The following MED13 variants were observed in gnomAD, a reference collection of about 807,000 sequenced individuals.
The protein encoded by MED13 is mediator complex subunit 13, also known as mediator of RNA polymerase II transcription subunit 13.
Under a neutral mutation model 225.2 loss-of-function variants are expected in MED13, and 23 were observed. The ratio of observed to expected loss-of-function variants is 0.10; its 90% CI spans 0.07 to 0.14. The LOEUF (loss-of-function observed/expected upper bound fraction) is 0.14, where lower values mean the gene tolerates loss of function less well. Among genes scored for constraint, MED13 ranks in the 10% least tolerant of loss-of-function variants. The pLI is 1.00. For missense variants in MED13, 2,197 were observed against 2,594.5 expected (o/e 0.85, Z 3.33); for synonymous variants, 942 against 889.2 (o/e 1.06, Z -1.06).
In MED13 at chr17:61,955,531, G is replaced by A. The variant is rs760265919; in HGVS notation, c.5819C>T (p.Thr1940Met). Reference sequence around the variant, plus strand: ...CTGAGATGTCTGCATATTTAGAGTCGTGCTTCTTCCAAATACAGAACCAGT... The same window carrying A: ...CTGAGATGTCTGCATATTTAGAGTCATGCTTCTTCCAAATACAGAACCAGT... Reference protein sequence around the residue: ...VSTGSVFGRSTTLNMQTSQLN... With the variant: ...VSTGSVFGRSMTLNMQTSQLN... Residue 1940 changes from threonine (T) to methionine (M), a missense_variant, in exon 26 of 30, where the codon ACG (threonine) becomes ATG (methionine). Transcript: ENST00000397786. 6.3e-6 allele frequency: 10 copies of A among 1,575,144 alleles called. No individual in the cohort carries two copies. The highest frequency in any genetic ancestry group is 2.2e-5 in the East Asian group (1 of 44,538).
intron 9 of MED13, among the ~76,000 whole-genome samples, chr17:61,995,799 A>G (rs997698123): frequency 1.1e-4 from 17 of 152,220 alleles, no homozygotes; most frequent in African/African-American, 3.1e-4. Flanking sequence ...GAAAGTGATT[A>G]TGTATTTTTT....
intron 3 of MED13, among the ~76,000 whole-genome samples, chr17:62,046,325 G>A (rs879688567): frequency 4.6e-5 from 7 of 152,182 alleles, no homozygotes; most frequent in Admixed American, 4.6e-4. Flanking sequence ...TTGAGGAGCA[G>A]CATTTATCTT....
rs775150426 is a variant in MED13, at chr17:61,982,514, A to G, written c.3489T>C (p.Phe1163=). Reference sequence around the variant, plus strand: ...CAGCAGAGGTAGCCCTGAGAGCTTCAAAACGTTTTTCTGCTTCTTTGCCAC... The same window carrying G: ...CAGCAGAGGTAGCCCTGAGAGCTTCGAAACGTTTTTCTGCTTCTTTGCCAC... ...TDCGKEAEKR[F]EALRATSAEH... is the part of the protein sequence containing the mutation. The change falls in exon 16 of 30, where the codon TTT becomes TTC. Residue 1163 remains phenylalanine, a synonymous_variant. Transcript: ENST00000397786. The G allele has an allele frequency of 6.2e-7, 1 of 1,614,188 alleles. No homozygotes were observed. The highest frequency in any genetic ancestry group is 8.5e-7 in the Non-Finnish European group (1 of 1,180,028).
chr17:61,984,944 TTTG>T, intron 13 of MED13, 53 bp downstream of exon 13: 14 of 1,598,350 alleles, frequency 8.8e-6, no homozygotes, highest in Non-Finnish European at 1.2e-5. Flanking sequence ...AGTGGGGAGC[TTTG>T]TTGAGATTAA....
chr17:61,982,388 T>G lies in MED13; in HGVS notation c.3615A>C (p.Ala1205=). The G allele has an allele frequency of 6.2e-7, 1 of 1,614,248 alleles. No homozygotes were observed. Among genetic ancestry groups the G allele is most frequent in the Non-Finnish European group, 8.5e-7 (1 of 1,180,046 alleles). The change falls in exon 16 of 30, where the codon GCA becomes GCC. Residue 1205 remains alanine (A), a synonymous_variant. Transcript: ENST00000397786. ...QCTNLFSPFG[A]ADQDPFPKSG... The stretch of plus-strand genomic sequence containing the variant: ...TTTTAGGAAAAGGATCTTGGTCTGC[T>G]GCTCCAAAGGGTGAAAATAAATTAG...
intron 9 of MED13, among the ~76,000 whole-genome samples, chr17:62,001,577 T>C (rs2080395465): frequency 6.6e-6 from 1 of 152,198 alleles, no homozygotes; most frequent in Non-Finnish European, 1.5e-5. Context: ...TTCCATTCTA[T>C]AGTCCTACGC....
In MED13 at chr17:62,033,812, A is replaced by C; in HGVS notation, c.789T>G (p.Ser263=). 1 of 1,614,138 alleles carries C rather than the reference A, an allele frequency of 6.2e-7. No homozygotes were observed. Among genetic ancestry groups the C allele is most frequent in the Non-Finnish European group, 8.5e-7 (1 of 1,180,000 alleles). The change falls in exon 5 of 30, where the codon TCT becomes TCG. Residue 263 remains serine (S), a synonymous_variant. Transcript: ENST00000397786. ...CAACAAGAACTTCTACTGCAGCTAA[A>C]GAATCATCTTCCCAATCCATATCTT... The part of the protein sequence containing the change: ...KQEDMDWEDD[S]LAAVEVLVAG...
At chr17:62,062,126 C>G (rs1323756519) in intron 2 of MED13, among the ~76,000 whole-genome samples, 1 of 152,060 alleles carries the variant, frequency 6.6e-6, no homozygotes, top group Non-Finnish European at 1.5e-5. Context: ...TACTCAATTT[C>G]AAATAAGAAC....
intron 25 of MED13, 21 bp downstream of exon 25, chr17:61,955,659 T>A: frequency 6.3e-7 from 1 of 1,582,204 alleles, no homozygotes; most frequent in Non-Finnish European, 8.5e-7. Context: ...TTAAATCTGA[T>A]ATAAACTAAA....
chr17:61,960,521 T>A (rs2079989428), intron 23 of MED13, among the ~76,000 whole-genome samples: 1 of 152,170 alleles, frequency 6.6e-6, no homozygotes, highest in South Asian at 2.1e-4. Flanking sequence ...GGGCTATATC[T>A]TAGATGGTAC....
chr17:62,015,138 A>T (rs1038239153), intron 8 of MED13, among the ~76,000 whole-genome samples: 46 of 152,342 alleles, frequency 3.0e-4, no homozygotes, highest in African/African-American at 9.6e-4. Flanking sequence ...CCTTGTTTGA[A>T]TCCTAGTCAA....
At chr17:62,002,409 A>C (rs2080403669) in intron 9 of MED13, among the ~76,000 whole-genome samples, 1 of 151,444 alleles carries the variant, frequency 6.6e-6, no homozygotes, top group South Asian at 2.1e-4. Context: ...GAATCACTTG[A>C]ACCTGGGAGG....
intron 9 of MED13, chr17:62,003,621 A>AAAAAAAAAAAC (rs10679175): frequency 1.4e-5 from 2 of 144,618 alleles, no homozygotes; most frequent in Admixed American, 7.0e-5. Context: ...AAAAAAAAAA[A>AAAAAAAAAAAC]GCAAAAAGTG....
Position 61,948,215 on chromosome 17 carries a change from G to GA in MED13, c.6292-1199dup, listed in dbSNP as rs889037996. Among the ~76,000 whole-genome samples, 24 of 148,200 alleles carry GA rather than the reference G, an allele frequency of 1.6e-4. 1 individual carries two copies. Among genetic ancestry groups the GA allele is most frequent in the East Asian group, 7.9e-4 (4 of 5,084 alleles). ...AGTATAAAACTAAAATAAGATATAT[G>GA]AAAAAAAAAAGTGAACAAAAAGTAT... On this transcript the variant is annotated intron_variant, in intron 28 of 29. Coordinates refer to ENST00000397786, the MANE Select transcript of MED13 (RefSeq NM_005121.3).
chr17:61,995,657 G>C (rs1429914729), intron 9 of MED13, among the ~76,000 whole-genome samples: 1 of 152,134 alleles, frequency 6.6e-6, no homozygotes, highest in Admixed American at 6.5e-5. Flanking sequence ...AAGTCCTCAA[G>C]CACACTATTT....
intron 3 of MED13, among the ~76,000 whole-genome samples, chr17:62,048,045 T>TAC (rs1568000945): frequency 7.6e-6 from 1 of 131,822 alleles, no homozygotes; most frequent in African/African-American, 2.8e-5. Context: ...TACATATACA[T>TAC]ATATATATAT....
At chr17:61,998,925 C>CTTTTTTTTTTTTTTTTTTTTTT (rs10617153) in intron 9 of MED13, among the ~76,000 whole-genome samples, 2 of 103,864 alleles carry the variant, frequency 1.9e-5, no homozygotes, top group Non-Finnish European at 3.8e-5. Flanking sequence ...TTAAATGGTA[C>CTTTTTTTTTTTTTTTTTTTTTT]TTTTTTTTTT....
In MED13 at chr17:62,010,573, C is replaced by A; in HGVS notation, c.1944G>T (p.Gln648His). 2 of 1,460,054 alleles carry A rather than the reference C, an allele frequency of 1.4e-6. No individual in the cohort carries two copies. The highest frequency in any genetic ancestry group is 9.1e-7 in the Non-Finnish European group (1 of 1,103,388). The allele number at this position is 1,460,054 out of a possible 1,614,324, so 90.4% of individuals were successfully genotyped here. A position where few individuals can be genotyped will look rare whatever the true frequency, so the allele number is the denominator to read the frequency against. ...ACTCTGTAACTGATGTTACACTTTC[C>A]TGTCCAAAAGGTCCAACTGGATCAT... ...FKDDPVGPFGQESVTSVTELM... is the reference protein window; with the variant it reads ...FKDDPVGPFGHESVTSVTELM... The change falls in exon 9 of 30, where the codon CAG becomes CAT. Residue 648 changes from glutamine (Q) to histidine (H), a missense_variant. Physicochemically the swap from Gln to His is conservative, Grantham distance 24. This residue lies in a region of MED13 where 884 missense variants were observed against 918.5 expected (regional missense o/e 0.96). Coordinates refer to ENST00000397786, the MANE Select transcript of MED13 (RefSeq NM_005121.3).
chr17:62,025,132 T>A (rs1392962833), intron 8 of MED13, among the ~76,000 whole-genome samples: 3 of 152,218 alleles, frequency 2.0e-5, no homozygotes, highest in African/African-American at 7.2e-5. Context: ...GACCAGGGAT[T>A]AGCAAACTTT....
Sources: allele counts gnomAD v4.1 joint callset (sites outside exome capture counted in the v4.1 genomes callset), GRCh38; gene constraint gnomAD v4.1.1; regional missense constraint gnomAD v4.1.1; transcripts MANE v1.5; gene names NCBI Gene and HGNC (gene_info 2026-07-23, HGNC 2026-07-21).